Variants in IPO7 observed in about 807,000 individuals in gnomAD.
The protein encoded by IPO7 is importin 7.
IPO7 carries 13 observed loss-of-function variants against 136.4 expected under a neutral mutation model. The ratio of observed to expected loss-of-function variants is 0.10; its 90% CI spans 0.06 to 0.15. The LOEUF (loss-of-function observed/expected upper bound fraction) is 0.15, where lower values mean the gene tolerates loss of function less well. Ranked by LOEUF, IPO7 falls within the 10% of genes least tolerant of loss-of-function variation. The pLI is 1.00. For synonymous variants in IPO7, 403 were observed against 404.4 expected (o/e 1.00, Z 0.04); for missense variants, 857 against 1,240.6 (o/e 0.69, Z 4.65).
intron 18 of IPO7, among the ~76,000 whole-genome samples, chr11:9,434,675 C>T (rs1202103071): frequency 2.0e-5 from 3 of 152,088 alleles, no homozygotes; most frequent in South Asian, 2.1e-4. Flanking sequence ...TGCCTATAGT[C>T]CCAGCTACCT....
intron 8 of IPO7, among the ~76,000 whole-genome samples, chr11:9,422,421 A>T (rs1487937859): frequency 6.6e-6 from 1 of 151,828 alleles, no homozygotes; most frequent in Non-Finnish European, 1.5e-5. Flanking sequence ...TTTTTTTTTA[A>T]AAAAAGACAA....
Position 9,438,285 on chromosome 11 carries a change from G to A in IPO7, c.2695G>A (p.Glu899Lys), listed in dbSNP as rs1173346441. 8 of 1,509,058 alleles carry A rather than the reference G, an allele frequency of 5.3e-6. No homozygotes were observed. The highest frequency in any genetic ancestry group is 6.4e-6 in the Non-Finnish European group (7 of 1,088,246). The allele number at this position is 1,509,058 out of a possible 1,614,324, so 93.5% of individuals were successfully genotyped here. Residue 899 changes from glutamate (E) to lysine (K), a missense_variant and splice_region_variant, in exon 22 of 25, where the codon GAG becomes AAG. Transcript: ENST00000379719. ...TGAAGCTGAAGATGATGATGAAACC[G>A]GTAAGGGATTTTCAATGGAAGAAGA... ...DDEAEDDDET[E>K]ELGSDEDDID...
chr11:9,438,038 GAA>G (rs755236921), intron 21 of IPO7, 40 bp from the exon 22 acceptor site: 27 of 1,055,174 alleles, frequency 2.6e-5, no homozygotes, highest in Middle Eastern at 6.4e-4. Flanking sequence ...TTTAAGAAAA[GAA>G]AACAGTTTTT....
chr11:9,418,760 T>C (rs1047619921), intron 6 of IPO7, among the ~76,000 whole-genome samples: 6 of 152,200 alleles, frequency 3.9e-5, no homozygotes, highest in Admixed American at 3.3e-4. Context: ...GCACAATTAT[T>C]ATGTACCCAT....
Position 9,436,383 on chromosome 11 carries a change from A to G in IPO7, c.2268+17A>G. 3.8e-6 allele frequency: 6 copies of G among 1,558,530 alleles called. No individual in the cohort carries two copies. Among genetic ancestry groups the G allele is most frequent in the Non-Finnish European group, 5.3e-6 (6 of 1,132,522 alleles). Reference sequence around the variant, plus strand: ...ATTGACCAGGTCAGTGAAGCTAATAATGATTTGTAGTTCAGAGGGGTAATC... The same window carrying G: ...ATTGACCAGGTCAGTGAAGCTAATAGTGATTTGTAGTTCAGAGGGGTAATC... On this transcript the variant is annotated intron_variant, in intron 20 of 24. Transcript: ENST00000379719.
intron 12 of IPO7, among the ~76,000 whole-genome samples, chr11:9,427,008 C>T (rs1467227816): frequency 6.6e-6 from 1 of 151,972 alleles, no homozygotes; most frequent in East Asian, 1.9e-4. Flanking sequence ...GTGCCTGCCC[C>T]CAGCCTAATT....
At chr11:9,403,456 C>G in intron 2 of IPO7, 85 bp downstream of exon 2, 1 of 1,041,638 alleles carries the variant, frequency 9.6e-7, no homozygotes, top group Non-Finnish European at 1.4e-6. Context: ...TTGGGATGGC[C>G]CTTTGGCAAT....
chr11:9,388,848 C>T (rs139577533), intron 1 of IPO7, among the ~76,000 whole-genome samples: 10 of 152,244 alleles, frequency 6.6e-5, no homozygotes, highest in South Asian at 6.2e-4. Context: ...ACTGCAGACA[C>T]GTGCTACCAC....
chr11:9,428,546 A>T lies in IPO7; in HGVS notation c.1342A>T (p.Ile448Phe), dbSNP rs1199867811. The T allele has an allele frequency of 7.0e-7, 1 of 1,430,186 alleles. No individual in the cohort carries two copies. The highest frequency in any genetic ancestry group is 9.7e-7 in the Non-Finnish European group (1 of 1,034,376). 88.6% of individuals were successfully genotyped at this position (1,430,186 alleles called of 1,614,324 possible). Residue 448 changes from isoleucine to phenylalanine, a missense_variant, in exon 13 of 25, where the codon ATC becomes TTC. Transcript: ENST00000379719. Reference sequence around the variant, plus strand: ...CTGTTGTTTATATTTACAGAAAAAGATCTATAAAGATCAGATGGAATACAT... The same window carrying T: ...CTGTTGTTTATATTTACAGAAAAAGTTCTATAAAGATCAGATGGAATACAT... ...SLAEILLKKK[I>F]YKDQMEYMLQ...
At chr11:9,396,139 T>G (rs1041480649) in intron 1 of IPO7, among the ~76,000 whole-genome samples, 7 of 152,016 alleles carry the variant, frequency 4.6e-5, no homozygotes, top group Non-Finnish European at 8.8e-5. Context: ...CTCACCCCTA[T>G]AATCCCAGCA....
intron 16 of IPO7, 185 bp from the exon 17 acceptor site, chr11:9,433,385 A>T (rs1332416819): frequency 5.5e-6 from 3 of 544,164 alleles, no homozygotes; most frequent in African/African-American, 1.9e-5. Flanking sequence ...TCTCATTGTA[A>T]TGGTATTTCA....
chr11:9,433,543 C>T, intron 16 of IPO7, 27 bp from the exon 17 acceptor site: 1 of 1,549,712 alleles, frequency 6.5e-7, no homozygotes. Flanking sequence ...GCTGTAACTG[C>T]ATATGATTTT....
chr11:9,415,844 A>G (rs898060486), intron 5 of IPO7, among the ~76,000 whole-genome samples: 1 of 152,104 alleles, frequency 6.6e-6, no homozygotes, highest in Non-Finnish European at 1.5e-5. Context: ...TCCCAAAAAA[A>G]AAGAAAAAAA....
intron 24 of IPO7, among the ~76,000 whole-genome samples, chr11:9,443,478 C>G (rs1231606121): frequency 1.3e-5 from 2 of 151,156 alleles, no homozygotes; most frequent in Non-Finnish European, 2.9e-5. Flanking sequence ...GTAATCCCAG[C>G]TACTCGGGAG....
intron 4 of IPO7, among the ~76,000 whole-genome samples, chr11:9,412,433 C>T (rs1005609046): frequency 6.6e-6 from 1 of 152,108 alleles, no homozygotes; most frequent in East Asian, 1.9e-4. Context: ...ATATCTGTTC[C>T]AAAAAGATAA....
rs1855520974 is a variant in IPO7 at position 9,445,943 on chromosome 11, CTT to C, written c.*751_*752del. ...GAACTAGCAATTTTGTACCTGGTGA[CTT>C]TGTGGTGCACTCACCTCTGATAGTG... On this transcript the variant is annotated 3_prime_UTR_variant, in exon 25 of 25. Coordinates refer to ENST00000379719, the MANE Select transcript of IPO7 (RefSeq NM_006391.3). 6.6e-6 allele frequency: 1 copy of C among 152,078 alleles called. No homozygotes were observed. Among genetic ancestry groups the C allele is most frequent in the Non-Finnish European group, 1.5e-5 (1 of 68,018 alleles). 9.4% of individuals were successfully genotyped at this position (152,078 alleles called of 1,614,324 possible).
At chr11:9,444,788 G>A (rs1228567853) in intron 24 of IPO7, among the ~76,000 whole-genome samples, 1 of 142,382 alleles carries the variant, frequency 7.0e-6, no homozygotes, top group Admixed American at 7.4e-5. Context: ...AGTGAGCCAA[G>A]ATCGTGCCGC....
intron 24 of IPO7, among the ~76,000 whole-genome samples, chr11:9,444,418 C>T (rs1855499816): frequency 6.6e-6 from 1 of 151,566 alleles, no homozygotes; most frequent in Non-Finnish European, 1.5e-5. Flanking sequence ...GGCTGGAGTG[C>T]AGTGGTGCAA....
chr11:9,416,458 G>A (rs553600035), intron 5 of IPO7, among the ~76,000 whole-genome samples: 3 of 152,254 alleles, frequency 2.0e-5, no homozygotes, highest in African/African-American at 7.2e-5. Context: ...ATAGGGCATA[G>A]GGAATAGGAC....
Sources: gnomAD v4.1 joint callset for allele counts (sites outside exome capture counted in the v4.1 genomes callset) on GRCh38, gnomAD v4.1.1 for gene constraint, MANE v1.5 for transcripts, NCBI Gene and HGNC (gene_info 2026-07-23, HGNC 2026-07-21) for gene names.